The following WASHC4 variants were observed in gnomAD, a reference collection of about 807,000 sequenced individuals.
WASHC4 encodes the protein WASH complex subunit 7.
In WASHC4, 86 loss-of-function variants were observed where a neutral mutation model predicts 166.6. The observed-to-expected ratio is 0.52, with a 90% CI of 0.43 to 0.62. The LOEUF (loss-of-function observed/expected upper bound fraction) is 0.62. Among genes scored for constraint, WASHC4 ranks in the 20% least tolerant of loss-of-function variants. The probability of loss-of-function intolerance (pLI) is 0.00; values close to 1 mark genes in which losing one functional copy is unlikely to be tolerated. For missense variants in WASHC4, 1,262 were observed against 1,382.4 expected (o/e 0.91, Z 1.38); for synonymous variants, 446 against 451.6 (o/e 0.99, Z 0.16).
chr12:105,137,864 T>G (rs1373299949), intron 14 of WASHC4, 22 bp from the exon 15 acceptor site: 1 of 1,586,340 alleles, frequency 6.3e-7, no homozygotes, highest in Admixed American at 1.7e-5. Context: ...CTTGTGATTA[T>G]AATCAATGTT....
chr12:105,156,315 G>A (rs1377027448), intron 26 of WASHC4, among the ~76,000 whole-genome samples: 1 of 152,124 alleles, frequency 6.6e-6, no homozygotes, highest in Admixed American at 6.5e-5. Flanking sequence ...GAAGAGTCCA[G>A]GCCAGAGATA....
chr12:105,123,582 A>G (rs945795270), intron 10 of WASHC4, among the ~76,000 whole-genome samples: 1 of 152,282 alleles, frequency 6.6e-6, no homozygotes, highest in Admixed American at 6.5e-5. Context: ...AGGCTAAGAG[A>G]GGTGGGGAAG....
chr12:105,122,272 G>T (rs1880831105), intron 10 of WASHC4, 34 bp downstream of exon 10: 1 of 1,602,544 alleles, frequency 6.2e-7, no homozygotes, highest in Non-Finnish European at 8.5e-7. Flanking sequence ...TAACAGTGGG[G>T]CTCATATTAG....
At chr12:105,157,861 C>T (rs1884270200) in intron 28 of WASHC4, among the ~76,000 whole-genome samples, 1 of 144,816 alleles carries the variant, frequency 6.9e-6, no homozygotes, top group Non-Finnish European at 1.5e-5. Context: ...TAATGTCTGT[C>T]TTATTGAACA....
chr12:105,159,627 T>G (rs1376737845), intron 28 of WASHC4, among the ~76,000 whole-genome samples: 1 of 15,594 alleles, frequency 6.4e-5, no homozygotes, highest in African/African-American at 7.5e-4. Flanking sequence ...GAAACTGAGT[T>G]CTTGAAAAAA....
At position 105,166,959 on chromosome 12, in the gene WASHC4, T is replaced by TG; in HGVS notation, c.*29dup. 1 of 1,478,010 alleles carries TG rather than the reference T, an allele frequency of 6.8e-7. No individual in the cohort carries two copies. The highest frequency in any genetic ancestry group is 9.4e-7 in the Non-Finnish European group (1 of 1,062,484). 91.6% of individuals were successfully genotyped at this position (1,478,010 alleles called of 1,614,324 possible). ...CGGATGGTATTCACTGCACATATGA[T>TG]GAAATCATCAGAATTGTTAAAACTT... On this transcript the variant is annotated 3_prime_UTR_variant, in exon 33 of 33. Transcript: ENST00000332180.
At chr12:105,119,840 C>T (rs1880558119) in intron 7 of WASHC4, among the ~76,000 whole-genome samples, 1 of 152,188 alleles carries the variant, frequency 6.6e-6, no homozygotes, top group South Asian at 2.1e-4. Flanking sequence ...GTGAATTTTT[C>T]TTTGACTTTT....
intron 29 of WASHC4, among the ~76,000 whole-genome samples, chr12:105,162,080 G>C (rs1440406375): frequency 1.3e-5 from 2 of 152,216 alleles, no homozygotes; most frequent in South Asian, 4.1e-4. Context: ...CCTGCCAACA[G>C]TGTTGCTCTA....
chr12:105,164,735 A>C lies in WASHC4; in HGVS notation c.3449A>C (p.Lys1150Thr). 6.2e-7 allele frequency: 1 copy of C among 1,610,522 alleles called. No individual in the cohort carries two copies. The highest frequency in any genetic ancestry group is 1.1e-5 in the South Asian group (1 of 90,732). The part of the protein sequence containing the change: ...AAEENQEKKE[K>T]EEETKTSNGD... ...GAAGAAAACCAAGAAAAGAAAGAGA[A>C]GGAAGGTCAGTGAGTGGTTTAAATT... The change falls in exon 32 of 33, where the codon AAG (lysine) becomes ACG (threonine). Residue 1150 changes from lysine to threonine, a missense_variant. Lys to Thr is a moderately conservative substitution (Grantham distance 78, BLOSUM62 -1). Coordinates refer to ENST00000332180, the MANE Select transcript of WASHC4 (RefSeq NM_015275.3).
chr12:105,113,359 C>T (rs1879872988), intron 2 of WASHC4, among the ~76,000 whole-genome samples: 2 of 151,936 alleles, frequency 1.3e-5, no homozygotes, highest in African/African-American at 4.8e-5. Flanking sequence ...TCTCAACTCT[C>T]AGATTTTATA....
intron 10 of WASHC4, among the ~76,000 whole-genome samples, chr12:105,123,165 T>C (rs1441559774): frequency 6.6e-6 from 1 of 151,914 alleles, no homozygotes; most frequent in African/African-American, 2.4e-5. Context: ...AATGCAAAAA[T>C]TAGTAAGGTG....
At chr12:105,144,642 T>G (rs1592896668) in intron 21 of WASHC4, 76 bp from the exon 22 acceptor site, 4 of 447,214 alleles carry the variant, frequency 8.9e-6, no homozygotes, top group Non-Finnish European at 1.3e-5. Context: ...AAGGACAAGT[T>G]GTTGTTTTTT....
At chr12:105,110,170 A>G (rs1339036571) in intron 1 of WASHC4, among the ~76,000 whole-genome samples, 1 of 152,220 alleles carries the variant, frequency 6.6e-6, no homozygotes, top group Non-Finnish European at 1.5e-5. Context: ...CACCGGATTT[A>G]AAACTTTATG....
chr12:105,141,986 G>A (rs1229346100), intron 18 of WASHC4, among the ~76,000 whole-genome samples: 1 of 141,510 alleles, frequency 7.1e-6, no homozygotes, highest in Non-Finnish European at 1.5e-5. Flanking sequence ...CATGTTAAGT[G>A]TGGGTTTTTT....
rs1884903088 is a variant in WASHC4 at position 105,168,131 on chromosome 12, T to G, written c.*1200T>G. 1 of 152,144 alleles carries G rather than the reference T, an allele frequency of 6.6e-6. No homozygotes were observed. Among genetic ancestry groups the G allele is most frequent in the Non-Finnish European group, 1.5e-5 (1 of 67,954 alleles). 9.4% of individuals were successfully genotyped at this position (152,144 alleles called of 1,614,324 possible). On this transcript the variant is annotated 3_prime_UTR_variant, in exon 33 of 33. Coordinates refer to ENST00000332180, the MANE Select transcript of WASHC4 (RefSeq NM_015275.3). ...TGCATTTGTCTGCTAAACATTTCTT[T>G]GGATAAATCCTGCAAATACTTCTAA...
In WASHC4 at chr12:105,152,343, T is replaced by C. The variant is rs749602885; in HGVS notation, c.2650T>C (p.Tyr884His). 6.6e-7 allele frequency: 1 copy of C among 1,513,638 alleles called. No individual in the cohort carries two copies. The highest frequency in any genetic ancestry group is 1.7e-5 in the Admixed American group (1 of 59,896). The allele number at this position is 1,513,638 out of a possible 1,614,324, so 93.8% of individuals were successfully genotyped here. ...AGTAGCCTTAAAATTTTCTGTCTAG[T>C]ATCCTTTTGATAGAGCAGAAAAATT... ...REIKDQNDHK[Y>H]PFDRAEKFNR... The change falls in exon 26 of 33, where the codon TAT (tyrosine) becomes CAT (histidine). Residue 884 changes from tyrosine to histidine, a missense_variant and splice_region_variant. Physicochemically the swap from Tyr to His is moderately conservative, Grantham distance 83. Transcript: ENST00000332180.
intron 27 of WASHC4, 35 bp downstream of exon 27, chr12:105,156,827 G>T: frequency 6.6e-7 from 1 of 1,505,914 alleles, no homozygotes. Context: ...CCTTGTTTAT[G>T]CCATTTTAAA....
chr12:105,148,156 A>G (rs1883465419), intron 24 of WASHC4: 13 of 985,304 alleles, frequency 1.3e-5, no homozygotes, highest in Non-Finnish European at 1.4e-5. Context: ...ACAGTGGAAA[A>G]GCATTGAAGA....
At chr12:105,109,870 A>G (rs997884341) in intron 1 of WASHC4, among the ~76,000 whole-genome samples, 9 of 152,012 alleles carry the variant, frequency 5.9e-5, no homozygotes, top group African/African-American at 2.2e-4. Context: ...TTGGCCTCCT[A>G]AAGTGTTGGG....
Sources: gnomAD v4.1 joint callset for allele counts (sites outside exome capture counted in the v4.1 genomes callset) on GRCh38, gnomAD v4.1.1 for gene constraint, MANE v1.5 for transcripts, NCBI Gene and HGNC (gene_info 2026-07-23, HGNC 2026-07-21) for gene names.